PPP1R17: variants seen among roughly 807,000 people sequenced by gnomAD.
The protein encoded by PPP1R17 is G-substrate.
In PPP1R17, 12 loss-of-function variants were observed where a neutral mutation model predicts 15.9. The ratio of observed to expected loss-of-function variants is 0.75; its 90% confidence interval spans 0.48 to 1.22. The LOEUF is 1.22. PPP1R17 is among the 50% of genes most tolerant of loss of function. The pLI is 0.00. For synonymous variants in PPP1R17, 63 were observed against 64.5 expected (o/e 0.98, Z 0.11); for missense variants, 211 against 187.3 (o/e 1.13, Z -0.74).
intron 2 of PPP1R17, 41 bp downstream of exon 2, chr7:31,692,564 A>T (rs137937165): frequency 1.9e-6 from 3 of 1,539,254 alleles, no homozygotes. Context: ...GGTGGAAGTC[A>T]GAGAAGAGGC....
At chr7:31,707,136 C>T in intron 4 of PPP1R17, 68 bp from the exon 5 acceptor site, 1 of 1,437,162 alleles carries the variant, frequency 7.0e-7, no homozygotes, top group Non-Finnish European at 9.7e-7. Flanking sequence ...TGTACTGTGT[C>T]TGTCTGCAAC....
Position 31,692,397 on chromosome 7 carries a change from C to T in PPP1R17, c.-36-9C>T, listed in dbSNP as rs755768192. 2 of 1,456,892 alleles carry T rather than the reference C, an allele frequency of 1.4e-6. No individual in the cohort carries two copies. Among genetic ancestry groups the T allele is most frequent in the South Asian group, 2.3e-5 (2 of 85,800 alleles). 90.2% of individuals were successfully genotyped at this position (1,456,892 alleles called of 1,614,324 possible). Reference sequence around the variant, plus strand: ...CCATACTTATTAACTGTTTTTTATACTTCCTTAGTGCTGGAGAAGAAATAC... The same window carrying T: ...CCATACTTATTAACTGTTTTTTATATTTCCTTAGTGCTGGAGAAGAAATAC... On this transcript the variant is annotated splice_polypyrimidine_tract_variant and intron_variant, in intron 1 of 4. Coordinates refer to ENST00000342032, the MANE Select transcript of PPP1R17 (RefSeq NM_006658.5).
chr7:31,695,376 C>T, intron 2 of PPP1R17, 93 bp from the exon 3 acceptor site: 1 of 1,183,154 alleles, frequency 8.5e-7, no homozygotes, highest in Admixed American at 2.4e-5. Flanking sequence ...TCACCTCTGT[C>T]CTGTCATCAA....
At chr7:31,699,239 C>T (rs1792742351) in intron 4 of PPP1R17, among the ~76,000 whole-genome samples, 1 of 152,284 alleles carries the variant, frequency 6.6e-6, no homozygotes, top group Non-Finnish European at 1.5e-5. Context: ...TAACATCCTG[C>T]ATCAGCCCTT....
At chr7:31,693,658 T>G (rs1338035227) in intron 2 of PPP1R17, among the ~76,000 whole-genome samples, 1 of 152,166 alleles carries the variant, frequency 6.6e-6, no homozygotes, top group Non-Finnish European at 1.5e-5. Flanking sequence ...GCATAGGCAT[T>G]GAAAAATCAG....
chr7:31,707,367 C>G lies in PPP1R17; in HGVS notation c.*84C>G, dbSNP rs1562707859. On this transcript the variant is annotated 3_prime_UTR_variant, in exon 5 of 5. Coordinates refer to ENST00000342032, the MANE Select transcript of PPP1R17 (RefSeq NM_006658.5). ...GAGAAAAAATAGACTTGTTTCTGCT[C>G]TCATTTTTGTCATCGTCTGACTTGA... 8.4e-7 allele frequency: 1 copy of G among 1,187,992 alleles called. No homozygotes were observed. Among genetic ancestry groups the G allele is most frequent in the Non-Finnish European group, 1.2e-6 (1 of 837,070 alleles). The allele number at this position is 1,187,992 out of a possible 1,614,324, so 73.6% of individuals were successfully genotyped here.
chr7:31,702,207 A>T lies in PPP1R17; in HGVS notation c.389-4997A>T, dbSNP rs375904904. Among the ~76,000 whole-genome samples the T allele has an allele frequency of 6.5e-3, 923 of 141,914 alleles. 8 individuals are homozygous for T. Among genetic ancestry groups the T allele is most frequent in the African/African-American group, 0.023 (871 of 37,500 alleles). The allele number at this position is 141,914 out of a possible 152,430, so 93.1% of individuals were successfully genotyped here. ...TTAAATCAGCTTTTCACCCTTATTT[A>T]TTTTTTTTTTTGCCTCTACCAATAG... is the stretch of plus-strand genomic sequence containing the variant. On this transcript the variant is annotated intron_variant, in intron 4 of 4. Coordinates refer to ENST00000342032, the MANE Select transcript of PPP1R17 (RefSeq NM_006658.5).
intron 1 of PPP1R17, among the ~76,000 whole-genome samples, chr7:31,691,922 T>C (rs375761411): frequency 4.6e-5 from 7 of 152,144 alleles, no homozygotes; most frequent in East Asian, 1.9e-4. Flanking sequence ...TCAGCAGGAC[T>C]GGACCTGTAT....
At chr7:31,692,710 A>G (rs1272225391) in intron 2 of PPP1R17, among the ~76,000 whole-genome samples, 187 bp downstream of exon 2, 1 of 152,228 alleles carries the variant, frequency 6.6e-6, no homozygotes, top group African/African-American at 2.4e-5. Flanking sequence ...CCATGTAAAT[A>G]TTAGCTGAAG....
chr7:31,697,442 A>C (rs1792642160), intron 4 of PPP1R17, among the ~76,000 whole-genome samples: 1 of 152,172 alleles, frequency 6.6e-6, no homozygotes, highest in South Asian at 2.1e-4. Context: ...GCTTCCACGG[A>C]TTTTGCGTCT....
chr7:31,694,809 C>G (rs923914011), intron 2 of PPP1R17, among the ~76,000 whole-genome samples: 1 of 151,980 alleles, frequency 6.6e-6, no homozygotes, highest in Non-Finnish European at 1.5e-5. Context: ...CTGATAGACT[C>G]GATGTAAAAG....
intron 2 of PPP1R17, among the ~76,000 whole-genome samples, chr7:31,694,406 A>ACACACACACACACACC (rs1446359990): frequency 1.3e-4 from 19 of 151,966 alleles, no homozygotes; most frequent in African/African-American, 4.4e-4. Context: ...ACACACACAC[A>ACACACACACACACACC]CACACACACA....
intron 4 of PPP1R17, among the ~76,000 whole-genome samples, chr7:31,705,375 G>T (rs1226895597): frequency 6.6e-6 from 1 of 152,100 alleles, no homozygotes; most frequent in Non-Finnish European, 1.5e-5. Context: ...AAATTTTGGG[G>T]CTCAGCATAG....
chr7:31,696,466 TAG>T (rs1792587860), intron 3 of PPP1R17, among the ~76,000 whole-genome samples: 2 of 152,216 alleles, frequency 1.3e-5, no homozygotes, highest in African/African-American at 2.4e-5. Flanking sequence ...AGGCTGTTTT[TAG>T]AGAGTTACTC....
chr7:31,702,871 G>C (rs1293812697), intron 4 of PPP1R17, among the ~76,000 whole-genome samples: 1 of 152,116 alleles, frequency 6.6e-6, no homozygotes, highest in Non-Finnish European at 1.5e-5. Context: ...GTTCGTGCTT[G>C]TATCTGTTTT....
Position 31,695,630 on chromosome 7 carries a change from C to G in PPP1R17, c.235+9C>G, listed in dbSNP as rs752807566. On this transcript the variant is annotated intron_variant, in intron 3 of 4. Coordinates refer to ENST00000342032, the MANE Select transcript of PPP1R17 (RefSeq NM_006658.5). Reference sequence around the variant, plus strand: ...CCCACCTTTCATACCAGGTAATGGACAAAGTCATCTGCACAGCTGTAAAGG... The same window carrying G: ...CCCACCTTTCATACCAGGTAATGGAGAAAGTCATCTGCACAGCTGTAAAGG... The G allele has an allele frequency of 1.9e-6, 3 of 1,610,088 alleles. No homozygotes were observed. In the South Asian group the frequency reaches 3.3e-5, roughly 18 times the overall value.
At chr7:31,707,177 A>G (rs766190060) in intron 4 of PPP1R17, 27 bp from the exon 5 acceptor site, 3 of 1,602,474 alleles carry the variant, frequency 1.9e-6, no homozygotes, top group South Asian at 2.2e-5. Flanking sequence ...GAGGTACTTA[A>G]TTGCAGGTCT....
intron 4 of PPP1R17, among the ~76,000 whole-genome samples, chr7:31,702,208 T>TTTA (rs201565116): frequency 3.9e-4 from 31 of 79,136 alleles, no homozygotes; most frequent in African/African-American, 1.3e-3. Flanking sequence ...CCCTTATTTA[T>TTTA]TTTTTTTTTT....
intron 4 of PPP1R17, among the ~76,000 whole-genome samples, chr7:31,699,391 G>C (rs1005241359): frequency 1.3e-5 from 2 of 152,168 alleles, no homozygotes; most frequent in African/African-American, 4.8e-5. Flanking sequence ...CCTTCACAGA[G>C]GATTTTTTGG....
Sources: gnomAD v4.1 joint callset for allele counts (sites outside exome capture counted in the v4.1 genomes callset) on GRCh38, gnomAD v4.1.1 for gene constraint, MANE v1.5 for transcripts, NCBI Gene and HGNC (gene_info 2026-07-23, HGNC 2026-07-21) for gene names.